FIP1L1: variants seen among roughly 807,000 people sequenced by gnomAD.
FIP1L1 encodes the protein pre-mRNA 3'-end-processing factor FIP1.
A neutral mutation model predicts 84.6 loss-of-function variants in FIP1L1; 21 were observed. That is an observed-to-expected ratio of 0.25 (90% CI 0.18 to 0.36). The LOEUF (loss-of-function observed/expected upper bound fraction) is 0.36, where lower values mean the gene tolerates loss of function less well. FIP1L1 is among the 10% of genes least tolerant of loss of function. The pLI is 1.00. For synonymous variants in FIP1L1, 263 were observed against 242.3 expected (o/e 1.09, Z -0.80); for missense variants, 526 against 751.1 (o/e 0.70, Z 3.50).
intron 15 of FIP1L1, among the ~76,000 whole-genome samples, chr4:53,449,129 C>T (rs2150341082): frequency 6.6e-6 from 1 of 151,726 alleles, no homozygotes; most frequent in South Asian, 2.1e-4. Context: ...CTGGCAAGAA[C>T]CTCCATTATA....
At chr4:53,393,444 A>G (rs1427465040) in intron 9 of FIP1L1, among the ~76,000 whole-genome samples, 1 of 152,248 alleles carries the variant, frequency 6.6e-6, no homozygotes, top group Non-Finnish European at 1.5e-5. Context: ...GTAGAATAGT[A>G]CACATGAACC....
chr4:53,379,966 T>TTTAAAAAGTGGAA (rs1736919080), intron 3 of FIP1L1, among the ~76,000 whole-genome samples: 1 of 152,194 alleles, frequency 6.6e-6, no homozygotes, highest in Non-Finnish European at 1.5e-5. Flanking sequence ...ATATACAACT[T>TTTAAAAAGTGGAA]CATACCGAGT....
Position 53,391,493 on chromosome 4 carries a change from T to C in FIP1L1, c.700T>C (p.Phe234Leu). Residue 234 changes from phenylalanine to leucine, a missense_variant, in exon 9 of 18, where the codon TTT becomes CTT. By Grantham distance (22) the Phe-to-Leu change is conservative. Transcript: ENST00000337488. ...GATCCAAGATGGCAGATTCAATCTT[T>C]TTAAGGTGAATTTTAGTAAATTATC... ...AEIQDGRFNLFKVQQGRTGNS... is the reference protein window; with the variant it reads ...AEIQDGRFNLLKVQQGRTGNS... 6.2e-7 allele frequency: 1 copy of C among 1,611,476 alleles called. No individual in the cohort carries two copies. The highest frequency in any genetic ancestry group is 8.5e-7 in the Non-Finnish European group (1 of 1,177,700).
intron 13 of FIP1L1, among the ~76,000 whole-genome samples, chr4:53,431,633 C>T (rs922747): frequency 3.3e-3 from 1 of 300 alleles, no homozygotes; most frequent in Non-Finnish European, 0.056. Flanking sequence ...GTTTTGTTTT[C>T]AAATAAATAG....
Position 53,460,743 on chromosome 4 carries a change from A to G in FIP1L1, c.*1294A>G, listed in dbSNP as rs1721867771. 1 of 663,304 alleles carries G rather than the reference A, an allele frequency of 1.5e-6. No homozygotes were observed. The highest frequency in any genetic ancestry group is 2.3e-5 in the South Asian group (1 of 43,952). The allele number at this position is 663,304 out of a possible 1,614,324, so 41.1% of individuals were successfully genotyped here. A position where few individuals can be genotyped will look rare whatever the true frequency, so the allele number is the denominator to read the frequency against. ...TAGTAGTTTTAATTTTTTTGGAATCATATTTTCTGAGGTGTAACTGGCTTT... is the reference window on the plus strand; with the variant it reads ...TAGTAGTTTTAATTTTTTTGGAATCGTATTTTCTGAGGTGTAACTGGCTTT... On this transcript the variant is annotated 3_prime_UTR_variant, in exon 18 of 18. Transcript: ENST00000337488.
intron 1 of FIP1L1, 171 bp from the exon 2 acceptor site, chr4:53,378,902 C>T: frequency 7.4e-6 from 5 of 676,842 alleles, no homozygotes; most frequent in Non-Finnish European, 1.2e-5. Context: ...GCATTAGTTA[C>T]TACTCTTTGA....
At chr4:53,418,153 G>A (rs985534095) in intron 11 of FIP1L1, among the ~76,000 whole-genome samples, 6 of 151,798 alleles carry the variant, frequency 4.0e-5, no homozygotes, top group Non-Finnish European at 7.4e-5. Context: ...ATTGGGCATG[G>A]TTGTGTGCAC....
At chr4:53,455,309 CAT>C (rs1718343182) in intron 16 of FIP1L1, among the ~76,000 whole-genome samples, 1 of 152,170 alleles carries the variant, frequency 6.6e-6, no homozygotes, top group Non-Finnish European at 1.5e-5. Flanking sequence ...CTGTTTGGCA[CAT>C]GAGGGCTAGA....
chr4:53,425,980 A>G lies in FIP1L1; in HGVS notation c.1017+15A>G. On this transcript the variant is annotated intron_variant, in intron 12 of 17. Coordinates refer to ENST00000337488, the MANE Select transcript of FIP1L1 (RefSeq NM_030917.4). ...GCAACATACAGGTTTAGTATTTTAA[A>G]ATAAATAATTTTCTTTAACTGAAGG... is the stretch of plus-strand genomic sequence containing the variant. 1 of 1,568,948 alleles carries G rather than the reference A, an allele frequency of 6.4e-7. No individual in the cohort carries two copies. The highest frequency in any genetic ancestry group is 8.7e-7 in the Non-Finnish European group (1 of 1,148,318).
chr4:53,435,274 A>T (rs1419300058), intron 13 of FIP1L1, among the ~76,000 whole-genome samples: 1 of 152,140 alleles, frequency 6.6e-6, no homozygotes, highest in Non-Finnish European at 1.5e-5. Flanking sequence ...CTTTCTTAGG[A>T]TGTTGATTTT....
intron 9 of FIP1L1, among the ~76,000 whole-genome samples, chr4:53,392,022 T>A (rs1486086696): frequency 1.3e-5 from 2 of 152,214 alleles, no homozygotes; most frequent in Admixed American, 6.5e-5. Context: ...CCATTGATTT[T>A]AAAAATTTGT....
Position 53,443,002 on chromosome 4 carries a change from T to C in FIP1L1, c.1229+295T>C, listed in dbSNP as rs930333791. On this transcript the variant is annotated intron_variant, in intron 14 of 17. Transcript: ENST00000337488. ...TTAAAAACCCAGCAAGTCAGTTTTA[T>C]GGGAAATACAAACATAAATTACTGG... Among the ~76,000 whole-genome samples, 4 of 152,098 alleles carry C rather than the reference T, an allele frequency of 2.6e-5. 1 individual carries two copies. The highest frequency in any genetic ancestry group is 2.6e-4 in the Admixed American group (4 of 15,266).
chr4:53,422,360 AGT>A (rs1431037549), intron 11 of FIP1L1, among the ~76,000 whole-genome samples: 1 of 151,982 alleles, frequency 6.6e-6, no homozygotes, highest in Non-Finnish European at 1.5e-5. Flanking sequence ...TGCTGTGTAA[AGT>A]GTACTTCTTA....
chr4:53,430,249 G>A (rs184281594), intron 13 of FIP1L1, among the ~76,000 whole-genome samples: 115 of 151,560 alleles, frequency 7.6e-4, no homozygotes, highest in African/African-American at 2.7e-3. Context: ...AAGAATATTC[G>A]AAACTCCGTA....
chr4:53,403,842 A>C (rs1182952285), intron 10 of FIP1L1, among the ~76,000 whole-genome samples: 3 of 151,984 alleles, frequency 2.0e-5, no homozygotes, highest in African/African-American at 7.3e-5. Flanking sequence ...TCTTAGATGA[A>C]GTGGTTGTGC....
intron 12 of FIP1L1, among the ~76,000 whole-genome samples, chr4:53,426,650 A>G (rs1179554700): frequency 6.6e-6 from 1 of 152,154 alleles, no homozygotes; most frequent in Non-Finnish European, 1.5e-5. Flanking sequence ...ACTAAGCAAA[A>G]TTGGGATACT....
At position 53,389,802 on chromosome 4, in the gene FIP1L1, T is replaced by G; in HGVS notation, c.333-7T>G. ...ATTTCTGTTTTTTTTTGTTTGTTTG[T>G]TTTTAGGAGTTATGGTACAGCACCT... On this transcript the variant is annotated splice_polypyrimidine_tract_variant and splice_region_variant and intron_variant, in intron 5 of 17. Coordinates refer to ENST00000337488, the MANE Select transcript of FIP1L1 (RefSeq NM_030917.4). 6.3e-7 allele frequency: 1 copy of G among 1,598,088 alleles called. No individual in the cohort carries two copies. Among genetic ancestry groups the G allele is most frequent in the Non-Finnish European group, 8.5e-7 (1 of 1,174,304 alleles).
intron 11 of FIP1L1, among the ~76,000 whole-genome samples, chr4:53,425,161 A>C (rs1469240327): frequency 2.0e-5 from 3 of 152,148 alleles, no homozygotes; most frequent in African/African-American, 7.2e-5. Flanking sequence ...TTAGGCATGC[A>C]TACTTTTGTA....
At chr4:53,392,097 T>G (rs1451807054) in intron 9 of FIP1L1, among the ~76,000 whole-genome samples, 2 of 152,270 alleles carry the variant, frequency 1.3e-5, no homozygotes, top group African/African-American at 4.8e-5. Flanking sequence ...ATAACAAGTC[T>G]GATTTCTGGC....
Sources: gnomAD v4.1 joint callset for allele counts (sites outside exome capture counted in the v4.1 genomes callset) on GRCh38, gnomAD v4.1.1 for gene constraint, MANE v1.5 for transcripts, NCBI Gene and HGNC (gene_info 2026-07-23, HGNC 2026-07-21) for gene names.